The following S1PR1 variants were observed in gnomAD, a reference collection of about 807,000 sequenced individuals.
The protein encoded by S1PR1 is sphingosine-1-phosphate receptor 1, also known as sphingosine 1-phosphate receptor 1.
S1PR1 carries 2 observed loss-of-function variants against 18.3 expected under a neutral mutation model. That is an observed-to-expected ratio of 0.11 (90% CI 0.04 to 0.34). The LOEUF is 0.34. S1PR1 is among the 10% of genes least tolerant of loss of function. The pLI is 1.00. For synonymous variants in S1PR1, 222 were observed against 211.2 expected (o/e 1.05, Z -0.44); for missense variants, 335 against 493.8 (o/e 0.68, Z 3.05).
chr1:101,239,329 C>T lies in S1PR1; in HGVS notation c.345C>T (p.Ala115=). 1.2e-6 allele frequency: 2 copies of T among 1,614,208 alleles called. No homozygotes were observed. Among genetic ancestry groups the T allele is most frequent in the East Asian group, 4.5e-5 (2 of 44,886 alleles). The stretch of plus-strand genomic sequence containing the variant: ...CCACCACCTACAAGCTCACTCCCGC[C>T]CAGTGGTTTCTGCGGGAAGGGAGTA... ...SGATTYKLTP[A]QWFLREGSMF... The change falls in exon 2 of 2, where the codon GCC becomes GCT. Residue 115 remains alanine (A), a synonymous_variant. Coordinates refer to ENST00000305352, the MANE Select transcript of S1PR1 (RefSeq NM_001400.5). The surrounding 1 kb of genome is among the most constrained non-coding windows in gnomAD (Gnocchi z 6.3).
downstream of S1PR1, among the ~76,000 whole-genome samples, chr1:101,241,782 A>G (rs1278755532): frequency 6.6e-6 from 1 of 152,220 alleles, no homozygotes; most frequent in African/African-American, 2.4e-5. Flanking sequence ...AGTAAGTAGA[A>G]TTGTTTGAGT....
At position 101,239,056 on chromosome 1, in the gene S1PR1, C is replaced by A. The variant is rs760417578; in HGVS notation, c.72C>A (p.Ile24=). The A allele has an allele frequency of 1.2e-6, 2 of 1,614,146 alleles. No individual in the cohort carries two copies. Among genetic ancestry groups the A allele is most frequent in the Non-Finnish European group, 1.7e-6 (2 of 1,180,058 alleles). ...SSVSDYVNYD[I]IVRHYNYTGK... The stretch of plus-strand genomic sequence containing the variant: ...TCTCTGACTACGTCAACTATGATAT[C>A]ATCGTCCGGCATTACAACTACACGG... The change falls in exon 2 of 2, where the codon ATC becomes ATA. Residue 24 remains isoleucine, a synonymous_variant. Coordinates refer to ENST00000305352, the MANE Select transcript of S1PR1 (RefSeq NM_001400.5). The surrounding 1 kb of genome is among the most constrained non-coding windows in gnomAD (Gnocchi z 6.3).
rs2100880910 is a variant in S1PR1 at position 101,239,332 on chromosome 1, G to A, written c.348G>A (p.Gln116=). 6.2e-7 allele frequency: 1 copy of A among 1,614,200 alleles called. No homozygotes were observed. The highest frequency in any genetic ancestry group is 8.5e-7 in the Non-Finnish European group (1 of 1,180,042). ...GATTYKLTPA[Q]WFLREGSMFV... is the part of the protein sequence containing the mutation. The stretch of plus-strand genomic sequence containing the variant: ...CCACCTACAAGCTCACTCCCGCCCA[G>A]TGGTTTCTGCGGGAAGGGAGTATGT... The change falls in exon 2 of 2, where the codon CAG becomes CAA. Residue 116 remains glutamine, a synonymous_variant. Coordinates refer to ENST00000305352, the MANE Select transcript of S1PR1 (RefSeq NM_001400.5). The surrounding 1 kb of genome is among the most constrained non-coding windows in gnomAD (Gnocchi z 6.3).
chr1:101,239,388 T>A lies in S1PR1; in HGVS notation c.404T>A (p.Leu135His). The A allele has an allele frequency of 6.2e-7, 1 of 1,614,164 alleles. No individual in the cohort carries two copies. ...FVALSASVFS[L>H]LAIAIERYIT... Reference sequence around the variant, plus strand: ...GCCCTGTCAGCCTCCGTGTTCAGTCTCCTCGCCATCGCCATTGAGCGCTAT... The same window carrying A: ...GCCCTGTCAGCCTCCGTGTTCAGTCACCTCGCCATCGCCATTGAGCGCTAT... Residue 135 changes from leucine (L) to histidine (H), a missense_variant, in exon 2 of 2, where the codon CTC (leucine) becomes CAC (histidine). This residue lies in a region of S1PR1 where 214 missense variants were observed against 366.6 expected (regional missense o/e 0.58). Coordinates refer to ENST00000305352, the MANE Select transcript of S1PR1 (RefSeq NM_001400.5). The surrounding 1 kb of genome is among the most constrained non-coding windows in gnomAD (Gnocchi z 6.3).
chr1:101,239,542 T>C lies in S1PR1; in HGVS notation c.558T>C (p.Ser186=). 6.2e-7 allele frequency: 1 copy of C among 1,614,046 alleles called. No homozygotes were observed. Among genetic ancestry groups the C allele is most frequent in the Non-Finnish European group, 8.5e-7 (1 of 1,180,026 alleles). The change falls in exon 2 of 2, where the codon AGT becomes AGC. Residue 186 remains serine, a synonymous_variant. Coordinates refer to ENST00000305352, the MANE Select transcript of S1PR1 (RefSeq NM_001400.5). This position sits in a 1 kb window ranked among gnomAD's most constrained non-coding sequence, Gnocchi z 6.3. ...CTATCATGGGCTGGAACTGCATCAG[T>C]GCGCTGTCCAGCTGCTCCACCGTGC... ...GLPIMGWNCI[S]ALSSCSTVLP... is the part of the protein sequence containing the mutation.
intron 1 of S1PR1, 89 bp from the exon 2 acceptor site, chr1:101,238,733 C>T: frequency 2.1e-6 from 1 of 472,474 alleles, no homozygotes; most frequent in Non-Finnish European, 3.7e-6. Flanking sequence ...AAATCAACAA[C>T]AACACAATTG....
At position 101,239,797 on chromosome 1, in the gene S1PR1, G is replaced by A. The variant is rs865917199; in HGVS notation, c.813G>A (p.Pro271=). 3.7e-6 allele frequency: 6 copies of A among 1,613,646 alleles called. No individual in the cohort carries two copies. Among genetic ancestry groups the A allele is most frequent in the East Asian group, 2.2e-5 (1 of 44,878 alleles). The change falls in exon 2 of 2, where the codon CCG becomes CCA. Residue 271 remains proline (P), a synonymous_variant. Transcript: ENST00000305352. This position sits in a 1 kb window ranked among gnomAD's most constrained non-coding sequence, Gnocchi z 6.3. ...GCGTCTTCATCGCCTGCTGGGCACC[G>A]CTCTTCATCCTGCTCCTGCTGGATG... ...VLSVFIACWA[P]LFILLLLDVG...
At position 101,240,169 on chromosome 1, in the gene S1PR1, A is replaced by G; in HGVS notation, c.*36A>G. ...TGTCCACCCACCGGAAGCGCTCTTTACTTGGTCGCTGGCCACCCCAGTGTT... is the reference window on the plus strand; with the variant it reads ...TGTCCACCCACCGGAAGCGCTCTTTGCTTGGTCGCTGGCCACCCCAGTGTT... On this transcript the variant is annotated 3_prime_UTR_variant, in exon 2 of 2. Transcript: ENST00000305352. 6.2e-7 allele frequency: 1 copy of G among 1,609,638 alleles called. No individual in the cohort carries two copies. Among genetic ancestry groups the G allele is most frequent in the East Asian group, 2.2e-5 (1 of 44,848 alleles).
Position 101,239,131 on chromosome 1 carries a change from G to A in S1PR1, c.147G>A (p.Ser49=), listed in dbSNP as rs964721381. 9 of 1,614,258 alleles carry A rather than the reference G, an allele frequency of 5.6e-6. No homozygotes were observed. The highest frequency in any genetic ancestry group is 7.6e-6 in the Non-Finnish European group (9 of 1,180,038). ...ADKENSIKLT[S]VVFILICCFI... is the part of the protein sequence containing the mutation. Reference sequence around the variant, plus strand: ...AGGAGAACAGCATTAAACTGACCTCGGTGGTGTTCATTCTCATCTGCTGCT... The same window carrying A: ...AGGAGAACAGCATTAAACTGACCTCAGTGGTGTTCATTCTCATCTGCTGCT... The change falls in exon 2 of 2, where the codon TCG becomes TCA. Residue 49 remains serine, a synonymous_variant. Coordinates refer to ENST00000305352, the MANE Select transcript of S1PR1 (RefSeq NM_001400.5). This position sits in a 1 kb window ranked among gnomAD's most constrained non-coding sequence, Gnocchi z 6.3.
rs1436531894 is a variant in S1PR1 at position 101,240,805 on chromosome 1, G to T, written c.*672G>T. 2 of 167,104 alleles carry T rather than the reference G, an allele frequency of 1.2e-5. No homozygotes were observed. Among genetic ancestry groups the T allele is most frequent in the Non-Finnish European group, 2.9e-5 (2 of 68,108 alleles). The allele number at this position is 167,104 out of a possible 1,614,324, so 10.4% of individuals were successfully genotyped here. Reference sequence around the variant, plus strand: ...TCCATGTAAGCGGGATCCGTTTTTTGGAATTTGGTTGAAGTCACTTTGATT... The same window carrying T: ...TCCATGTAAGCGGGATCCGTTTTTTTGAATTTGGTTGAAGTCACTTTGATT... On this transcript the variant is annotated 3_prime_UTR_variant, in exon 2 of 2. Transcript: ENST00000305352.
Position 101,239,143 on chromosome 1 carries a change from T to C in S1PR1, c.159T>C (p.Ile53=). 6.2e-7 allele frequency: 1 copy of C among 1,614,174 alleles called. No individual in the cohort carries two copies. Among genetic ancestry groups the C allele is most frequent in the Non-Finnish European group, 8.5e-7 (1 of 1,180,028 alleles). ...TTAAACTGACCTCGGTGGTGTTCATTCTCATCTGCTGCTTTATCATCCTGG... is the reference window on the plus strand; with the variant it reads ...TTAAACTGACCTCGGTGGTGTTCATCCTCATCTGCTGCTTTATCATCCTGG... ...NSIKLTSVVF[I]LICCFIILEN... is the part of the protein sequence containing the mutation. Residue 53 remains isoleucine, a synonymous_variant, in exon 2 of 2, where the codon ATT becomes ATC. Transcript: ENST00000305352. This position sits in a 1 kb window ranked among gnomAD's most constrained non-coding sequence, Gnocchi z 6.3.
Position 101,238,903 on chromosome 1 carries a change from A to G in S1PR1, c.-82A>G, listed in dbSNP as rs1652795681. The G allele has an allele frequency of 4.4e-6, 6 of 1,377,518 alleles. No homozygotes were observed. Among genetic ancestry groups the G allele is most frequent in the Non-Finnish European group, 5.9e-6 (6 of 1,024,162 alleles). The allele number at this position is 1,377,518 out of a possible 1,614,324, so 85.3% of individuals were successfully genotyped here. A position where few individuals can be genotyped will look rare whatever the true frequency, so the allele number is the denominator to read the frequency against. Reference sequence around the variant, plus strand: ...CACTCATCGAACCACCCCTGAAGCCAGTGAAGGCTCTCTCGCCTCGCCCTC... The same window carrying G: ...CACTCATCGAACCACCCCTGAAGCCGGTGAAGGCTCTCTCGCCTCGCCCTC... On this transcript the variant is annotated 5_prime_UTR_variant, in exon 2 of 2. Transcript: ENST00000305352.
chr1:101,240,401 G>A lies in S1PR1; in HGVS notation c.*268G>A, dbSNP rs1291653769. On this transcript the variant is annotated 3_prime_UTR_variant, in exon 2 of 2. Coordinates refer to ENST00000305352, the MANE Select transcript of S1PR1 (RefSeq NM_001400.5). ...CCCTGGAGCTTTGATTTTGCACTGA[G>A]CCAAAGGTCTAGCATTGTCAAGCTC... 9.4e-6 allele frequency: 5 copies of A among 534,696 alleles called. No individual in the cohort carries two copies. Among genetic ancestry groups the A allele is most frequent in the Non-Finnish European group, 1.0e-5 (3 of 288,510 alleles). The allele number at this position is 534,696 out of a possible 1,614,324, so 33.1% of individuals were successfully genotyped here.
rs201417656 is a variant in S1PR1 at position 101,238,846 on chromosome 1, A to C, written c.-139A>C. The C allele has an allele frequency of 1.5e-5, 12 of 815,410 alleles. No homozygotes were observed. The South Asian group carries it at 2.2e-4, about 15-fold the overall frequency. The allele number at this position is 815,410 out of a possible 1,614,324, so 50.5% of individuals were successfully genotyped here. ...GGCTGCGGTTTCCGAGGCCCTCTCC[A>C]GCCAAGGAAAAGCTACACAAAAAGC... On this transcript the variant is annotated 5_prime_UTR_variant, in exon 2 of 2. Transcript: ENST00000305352.
At position 101,239,188 on chromosome 1, in the gene S1PR1, G is replaced by T. The variant is rs766757360; in HGVS notation, c.204G>T (p.Leu68=). Residue 68 remains leucine (L), a synonymous_variant, in exon 2 of 2, where the codon CTG becomes CTT. Transcript: ENST00000305352. The surrounding 1 kb of genome is among the most constrained non-coding windows in gnomAD (Gnocchi z 6.3). ...FIILENIFVL[L]TIWKTKKFHR... The stretch of plus-strand genomic sequence containing the variant: ...TCCTGGAGAACATCTTTGTCTTGCT[G>T]ACCATTTGGAAAACCAAGAAATTCC... 4.3e-6 allele frequency: 7 copies of T among 1,614,076 alleles called. No individual in the cohort carries two copies. In the East Asian group the frequency reaches 1.6e-4, roughly 36 times the overall value.
chr1:101,239,374 C>T lies in S1PR1; in HGVS notation c.390C>T (p.Ala130=). 1.2e-6 allele frequency: 2 copies of T among 1,614,216 alleles called. No homozygotes were observed. Among genetic ancestry groups the T allele is most frequent in the African/African-American group, 1.3e-5 (1 of 75,064 alleles). ...GGAGTATGTTTGTGGCCCTGTCAGC[C>T]TCCGTGTTCAGTCTCCTCGCCATCG... ...REGSMFVALS[A]SVFSLLAIAI... The change falls in exon 2 of 2, where the codon GCC becomes GCT. Residue 130 remains alanine, a synonymous_variant. Transcript: ENST00000305352. The surrounding 1 kb of genome is among the most constrained non-coding windows in gnomAD (Gnocchi z 6.3).
chr1:101,238,793 C>G (rs202087090), intron 1 of S1PR1, 29 bp from the exon 2 acceptor site: 14 of 602,134 alleles, frequency 2.3e-5, no homozygotes, highest in African/African-American at 7.4e-5. Context: ...GTGGCTCTTT[C>G]CCTGACTCTC....
intron 1 of S1PR1, among the ~76,000 whole-genome samples, chr1:101,237,632 T>G (rs1652753622): frequency 6.6e-6 from 1 of 152,232 alleles, no homozygotes; most frequent in African/African-American, 2.4e-5. Context: ...AGAAGTAGAC[T>G]TCTGCTGACC....
intron 1 of S1PR1, among the ~76,000 whole-genome samples, chr1:101,238,456 G>A (rs971982334): frequency 2.6e-5 from 4 of 151,896 alleles, no homozygotes; most frequent in African/African-American, 9.7e-5. Context: ...GAGAGGGCAG[G>A]AGTGGAGTTA....
Sources: allele counts gnomAD v4.1 joint callset (sites outside exome capture counted in the v4.1 genomes callset), GRCh38; gene constraint gnomAD v4.1.1; regional missense constraint gnomAD v4.1.1; non-coding constraint Gnocchi (gnomAD v3.1); transcripts MANE v1.5; gene names NCBI Gene and HGNC (gene_info 2026-07-23, HGNC 2026-07-21).